SSR4: variants seen among roughly 807,000 people sequenced by gnomAD.
SSR4 encodes signal sequence receptor subunit 4, also known as translocon-associated protein subunit delta.
For synonymous variants in SSR4, 84 were observed against 65.6 expected, an observed-to-expected ratio of 1.28 and a Z score of -1.35; for missense variants, 125 against 148.8, an observed-to-expected ratio of 0.84 and a Z score of 0.83.
At position 153,795,577 on chromosome X, in the gene SSR4, G is replaced by A. The variant is rs1042576572; in HGVS notation, c.67+823G>A. 16 of 631,366 alleles carry A rather than the reference G, an allele frequency of 2.5e-5. No individual in the cohort carries two copies. In the East Asian group the frequency reaches 8.2e-4, roughly 32 times the overall value. The allele number at this position is 631,366 out of a possible 1,213,427, so 52.0% of individuals were successfully genotyped here. A position where few individuals can be genotyped will look rare whatever the true frequency, so the allele number is the denominator to read the frequency against. On this transcript the variant is annotated intron_variant, in intron 1 of 5. Coordinates refer to ENST00000370086, the MANE Select transcript of SSR4 (RefSeq NM_006280.3). ...TAAAACCCTTCGGGGGCTCCCCTGC[G>A]CCACAGGAAGCAGGCCCAACTTAGG...
At chrX:153,797,102 G>A in intron 2 of SSR4, 1 of 250,446 alleles carries the variant, frequency 4.0e-6, no homozygotes, top group South Asian at 8.3e-5. Context: ...CCCTCTTAGG[G>A]TAAAGCACCC....
At chrX:153,797,608 C>A in intron 3 of SSR4, 76 bp downstream of exon 3, 1 of 1,128,009 alleles carries the variant, frequency 8.9e-7, no homozygotes, top group South Asian at 1.8e-5. Context: ...GGTGGCCGGT[C>A]AACCAGGGCC....
At position 153,798,462 on chromosome X, in the gene SSR4, C is replaced by T. The variant is rs782631944; in HGVS notation, c.*29C>T. On this transcript the variant is annotated 3_prime_UTR_variant, in exon 6 of 6. Coordinates refer to ENST00000370086, the MANE Select transcript of SSR4 (RefSeq NM_006280.3). ...CGGCACCCCAGCCCTGCCCTTGCTT[C>T]CTTCAATAAACATCACAGGACCTGG... The T allele has an allele frequency of 4.4e-6, 5 of 1,138,962 alleles. No individual in the cohort carries two copies. In the South Asian group the frequency reaches 5.7e-5, roughly 13 times the overall value. The allele number at this position is 1,138,962 out of a possible 1,213,427, so 93.9% of individuals were successfully genotyped here.
intron 1 of SSR4, chrX:153,795,448 G>T (rs1208761734): frequency 3.4e-5 from 4 of 118,186 alleles, no homozygotes; most frequent in Non-Finnish European, 5.2e-5. Context: ...TGCCTGCAAC[G>T]TTTTGGCAGC....
At chrX:153,795,596 A>G in intron 1 of SSR4, 1 of 722,633 alleles carries the variant, frequency 1.4e-6, no homozygotes, top group Non-Finnish European at 1.6e-6. Context: ...AGCAGGCCCA[A>G]CTTAGGCAGG....
In SSR4 at chrX:153,795,915, T is replaced by C. The variant is rs569193778; in HGVS notation, c.68-519T>C. On this transcript the variant is annotated intron_variant, in intron 1 of 5. Transcript: ENST00000370086. ...GCTTCTGGAACCAGAGTCTCTCCCG[T>C]TTACTTCTTCAGGAAACGCTGGGGC... 131 of 700,511 alleles carry C rather than the reference T, an allele frequency of 1.9e-4. 1 individual carries two copies. In the African/African-American group the frequency reaches 2.9e-3, roughly 16 times the overall value. 57.7% of individuals were successfully genotyped at this position (700,511 alleles called of 1,213,427 possible).
rs1322215254 is a variant in SSR4, at chrX:153,798,457, T to C, written c.*24T>C. On this transcript the variant is annotated 3_prime_UTR_variant, in exon 6 of 6. Transcript: ENST00000370086. ...GAGGGCGGCACCCCAGCCCTGCCCT[T>C]GCTTCCTTCAATAAACATCACAGGA... The C allele has an allele frequency of 7.0e-6, 8 of 1,145,327 alleles. No individual in the cohort carries two copies. The Admixed American group carries it at 2.0e-4, about 29-fold the overall frequency. The allele number at this position is 1,145,327 out of a possible 1,213,427, so 94.4% of individuals were successfully genotyped here.
upstream of SSR4, chrX:153,794,508 C>T: frequency 8.6e-7 from 1 of 1,159,489 alleles, no homozygotes; most frequent in Non-Finnish European, 1.2e-6. Context: ...GGGGGGACCG[C>T]GACCAGCTGG....
chrX:153,794,541 A>G (rs112969179), upstream of SSR4: 4 of 1,169,075 alleles, frequency 3.4e-6, no homozygotes, highest in South Asian at 1.9e-5. Context: ...GGGAGGGGCC[A>G]CGTCAGTGCT....
intron 2 of SSR4, chrX:153,797,198 C>G: frequency 5.0e-6 from 2 of 398,526 alleles, no homozygotes; most frequent in South Asian, 7.8e-5. Flanking sequence ...CATCCCGCCC[C>G]TGCTCACAGT....
chrX:153,797,556 C>A (rs1370486408), intron 3 of SSR4, 24 bp downstream of exon 3: 10 of 1,191,627 alleles, frequency 8.4e-6, no homozygotes, highest in Non-Finnish European at 1.0e-5. Context: ...GGTTCCCTTG[C>A]TAGGGGGCTC....
At chrX:153,795,563 G>A (rs923338994) in intron 1 of SSR4, 1 of 532,854 alleles carries the variant, frequency 1.9e-6, no homozygotes, top group Non-Finnish European at 2.3e-6. Context: ...AAAACCCTTC[G>A]GGGGCTCCCC....
chrX:153,795,765 C>CCT, intron 1 of SSR4: 1 of 755,096 alleles, frequency 1.3e-6, no homozygotes, highest in Non-Finnish European at 1.6e-6. Context: ...TGGCTGAGAA[C>CCT]ATTCCCACTT....
At chrX:153,798,250 C>G in intron 5 of SSR4, 79 bp from the exon 6 acceptor site, 1 of 1,183,287 alleles carries the variant, frequency 8.5e-7, no homozygotes. Context: ...TCTTGGTTCC[C>G]CTGGCGGAAG....
At chrX:153,795,107 T>C (rs1398084256) in intron 1 of SSR4, 4 of 242,539 alleles carry the variant, frequency 1.6e-5, no homozygotes, top group Non-Finnish European at 3.0e-5. Context: ...AAAACGGGGC[T>C]GGAGGAGCCA....
intron 1 of SSR4, chrX:153,795,911 C>T (rs2092137460): frequency 2.8e-6 from 2 of 702,100 alleles, no homozygotes; most frequent in South Asian, 1.5e-4. Context: ...CAGAGTCTCT[C>T]CCGTTTACTT....
chrX:153,797,698 CCACACTCTGCT>C lies in SSR4; in HGVS notation c.262-24_262-14del. ...GGTGGCCCCTCCGTGTCCACTCTGC[CCACACTCTGCT>C]CAACACCCAACCCAGGTGTCCTGGA... is the stretch of plus-strand genomic sequence containing the variant. On this transcript the variant is annotated splice_polypyrimidine_tract_variant and intron_variant, in intron 3 of 5. Coordinates refer to ENST00000370086, the MANE Select transcript of SSR4 (RefSeq NM_006280.3). 1 of 1,197,300 alleles carries C rather than the reference CCACACTCTGCT, an allele frequency of 8.4e-7. No individual in the cohort carries two copies. The highest frequency in any genetic ancestry group is 1.1e-6 in the Non-Finnish European group (1 of 883,498).
Position 153,798,474 on chromosome X carries a change from A to C in SSR4, c.*41A>C. On this transcript the variant is annotated 3_prime_UTR_variant, in exon 6 of 6. Transcript: ENST00000370086. ...CCTGCCCTTGCTTCCTTCAATAAAC[A>C]TCACAGGACCTGGGACTGCACAGGA... 9.0e-7 allele frequency: 1 copy of C among 1,107,047 alleles called. No individual in the cohort carries two copies. Among genetic ancestry groups the C allele is most frequent in the Non-Finnish European group, 1.2e-6 (1 of 823,314 alleles). 91.2% of individuals were successfully genotyped at this position (1,107,047 alleles called of 1,213,427 possible).
chrX:153,797,358 C>A, intron 2 of SSR4, 100 bp from the exon 3 acceptor site: 1 of 757,296 alleles, frequency 1.3e-6, no homozygotes, highest in South Asian at 2.2e-5. Flanking sequence ...CCAACTGGGC[C>A]TAGCCTGCCC....
Sources: allele counts gnomAD v4.1 joint callset, GRCh38; gene constraint gnomAD v4.1.1; transcripts MANE v1.5; gene names NCBI Gene and HGNC (gene_info 2026-07-23, HGNC 2026-07-21).